The following DYM variants were observed in gnomAD, a reference collection of about 807,000 sequenced individuals.
DYM encodes the protein dyggve-Melchior-Clausen syndrome protein.
A neutral mutation model predicts 93.1 loss-of-function variants in DYM; 78 were observed. The ratio of observed to expected loss-of-function variants is 0.84; its 90% CI spans 0.70 to 1.01. The LOEUF (loss-of-function observed/expected upper bound fraction) is 1.01, where lower values mean the gene tolerates loss of function less well. Among genes scored for constraint, DYM ranks in the 50% least tolerant of loss-of-function variants. The pLI is 0.00. For missense variants in DYM, 789 were observed against 845.0 expected (o/e 0.93, Z 0.82); for synonymous variants, 321 against 319.7 (o/e 1.00, Z -0.04).
intron 17 of DYM, among the ~76,000 whole-genome samples, chr18:49,089,468 C>T (rs2078851173): frequency 6.6e-6 from 1 of 152,200 alleles, no homozygotes. Context: ...TGAAAGTTCT[C>T]TGTCTTTTGT....
At chr18:49,273,849 G>C (rs1387019390) in intron 10 of DYM, among the ~76,000 whole-genome samples, 1 of 145,152 alleles carries the variant, frequency 6.9e-6, no homozygotes, top group Non-Finnish European at 1.5e-5. Flanking sequence ...CCTGTAGAAA[G>C]CACATCTTAC....
chr18:49,446,842 T>C (rs778905047), intron 1 of DYM, among the ~76,000 whole-genome samples: 14 of 152,262 alleles, frequency 9.2e-5, no homozygotes, highest in Non-Finnish European at 1.8e-4. Context: ...GTGGATCACC[T>C]GAGGTCAGGA....
chr18:49,145,586 C>G (rs2085036934), intron 15 of DYM, among the ~76,000 whole-genome samples: 1 of 152,084 alleles, frequency 6.6e-6, no homozygotes, highest in Admixed American at 6.6e-5. Flanking sequence ...TTGTCCTTCC[C>G]CTATTTGTTT....
chr18:49,169,276 C>T (rs1233916760), intron 14 of DYM, among the ~76,000 whole-genome samples: 1 of 152,238 alleles, frequency 6.6e-6, no homozygotes, highest in Non-Finnish European at 1.5e-5. Flanking sequence ...AAGAGGCAAT[C>T]ACTTTGGGAG....
At chr18:49,252,755 G>T (rs2094316891) in intron 13 of DYM, among the ~76,000 whole-genome samples, 3 of 152,164 alleles carry the variant, frequency 2.0e-5, no homozygotes, top group African/African-American at 7.2e-5. Flanking sequence ...ACAGCCAGTG[G>T]AGGGACATGA....
intron 13 of DYM, among the ~76,000 whole-genome samples, chr18:49,238,120 T>C (rs1363926710): frequency 1.3e-5 from 2 of 152,222 alleles, no homozygotes; most frequent in Non-Finnish European, 2.9e-5. Context: ...ACATTCTTCA[T>C]AGGAGTTGTA....
At chr18:49,107,244 T>C (rs2080920317) in intron 16 of DYM, among the ~76,000 whole-genome samples, 1 of 152,218 alleles carries the variant, frequency 6.6e-6, no homozygotes, top group Admixed American at 6.5e-5. Context: ...CGTTCCTTGG[T>C]TTTCAGCTCC....
intron 8 of DYM, among the ~76,000 whole-genome samples, chr18:49,330,131 G>T (rs2063205239): frequency 6.6e-6 from 1 of 152,114 alleles, no homozygotes; most frequent in South Asian, 2.1e-4. Context: ...CACATATCAT[G>T]AAATAATGAA....
At chr18:49,201,404 C>T (rs936148117) in intron 14 of DYM, among the ~76,000 whole-genome samples, 1 of 151,922 alleles carries the variant, frequency 6.6e-6, no homozygotes, top group Non-Finnish European at 1.5e-5. Flanking sequence ...GGTCTATTAC[C>T]TAAATTCAGA....
At chr18:49,147,562 C>T (rs1233154077) in intron 15 of DYM, among the ~76,000 whole-genome samples, 4 of 152,220 alleles carry the variant, frequency 2.6e-5, no homozygotes, top group South Asian at 2.1e-4. Flanking sequence ...CAAAAGAAGA[C>T]ATTTATGCAG....
intron 14 of DYM, among the ~76,000 whole-genome samples, chr18:49,200,931 T>C (rs559511695): frequency 2.6e-5 from 4 of 152,304 alleles, no homozygotes; most frequent in African/African-American, 9.6e-5. Context: ...ATAATCACCA[T>C]GTTGTGAAAC....
chr18:49,083,150 T>C (rs2078204039), intron 17 of DYM, among the ~76,000 whole-genome samples: 1 of 152,196 alleles, frequency 6.6e-6, no homozygotes, highest in Non-Finnish European at 1.5e-5. Context: ...ACACAGACAA[T>C]ACATAAATAA....
chr18:49,344,673 A>T (rs1214996449), intron 6 of DYM, among the ~76,000 whole-genome samples: 1 of 152,124 alleles, frequency 6.6e-6, no homozygotes, highest in Non-Finnish European at 1.5e-5. Flanking sequence ...ACATTAATAC[A>T]TATAGTAGGA....
intron 9 of DYM, among the ~76,000 whole-genome samples, chr18:49,286,198 T>C (rs545339288): frequency 1.3e-5 from 2 of 152,284 alleles, no homozygotes; most frequent in South Asian, 4.2e-4. Flanking sequence ...ATTAAACACA[T>C]GCTGGTTGGT....
At chr18:49,382,552 G>A (rs991621628) in intron 3 of DYM, among the ~76,000 whole-genome samples, 2 of 152,018 alleles carry the variant, frequency 1.3e-5, no homozygotes, top group Non-Finnish European at 2.9e-5. Flanking sequence ...AATGAGCTTC[G>A]GGAGCCAGAG....
At chr18:49,443,922 G>A (rs557132575) in intron 1 of DYM, among the ~76,000 whole-genome samples, 7 of 152,288 alleles carry the variant, frequency 4.6e-5, no homozygotes, top group Middle Eastern at 3.4e-3. Flanking sequence ...CATGAAAACA[G>A]TGGCTCGAAG....
At chr18:49,406,241 T>C (rs1214862410) in intron 2 of DYM, among the ~76,000 whole-genome samples, 1 of 152,182 alleles carries the variant, frequency 6.6e-6, no homozygotes, top group African/African-American at 2.4e-5. Context: ...AGGATGACCA[T>C]TATTTTTATT....
intron 8 of DYM, among the ~76,000 whole-genome samples, chr18:49,304,486 C>CT (rs1191009310): frequency 1.3e-5 from 2 of 152,192 alleles, no homozygotes; most frequent in Non-Finnish European, 2.9e-5. Flanking sequence ...AAAAAACCTT[C>CT]TATATTGTCA....
intron 17 of DYM, among the ~76,000 whole-genome samples, chr18:49,074,662 ATT>A (rs1303465312): frequency 1.3e-5 from 2 of 152,192 alleles, no homozygotes; most frequent in African/African-American, 4.8e-5. Context: ...AAGCTGAGTT[ATT>A]TAGAGGATAC....
Sources: allele counts gnomAD v4.1 joint callset (sites outside exome capture counted in the v4.1 genomes callset), GRCh38; gene constraint gnomAD v4.1.1; transcripts MANE v1.5; gene names NCBI Gene and HGNC (gene_info 2026-07-23, HGNC 2026-07-21).